The following PLXNB3 variants were observed in gnomAD, a reference collection of about 807,000 sequenced individuals.
The protein encoded by PLXNB3 is plexin-B3.
PLXNB3 carries 80 observed loss-of-function variants against 125.7 expected under a neutral mutation model. That is an observed-to-expected ratio of 0.64 (90% confidence interval 0.53 to 0.77). The LOEUF is 0.77. Ranked by LOEUF, PLXNB3 falls within the 30% of genes least tolerant of loss-of-function variation. The pLI is 0.00. For missense variants in PLXNB3, 1,836 were observed against 1,729.3 expected, an observed-to-expected ratio of 1.06 and a Z score of -1.09; for synonymous variants, 954 against 783.3, an observed-to-expected ratio of 1.22 and a Z score of -3.64.
At chrX:153,769,374 A>C in intron 6 of PLXNB3, 112 bp downstream of exon 6, 1 of 563,310 alleles carries the variant, frequency 1.8e-6, no homozygotes, top group Non-Finnish European at 2.8e-6. Context: ...TGTTGGAGAG[A>C]CTCAGGGCCA....
chrX:153,767,799 C>T lies in PLXNB3; in HGVS notation c.972C>T (p.Ala324=). 1 of 1,166,420 alleles carries T rather than the reference C, an allele frequency of 8.6e-7. No individual in the cohort carries two copies. The highest frequency in any genetic ancestry group is 1.1e-6 in the Non-Finnish European group (1 of 873,097). ...CCTTCCCCATGGTGGAGCTGGGTGCCAGCATGGAGCAGGCCCGGAGACTCT... is the reference window on the plus strand; with the variant it reads ...CCTTCCCCATGGTGGAGCTGGGTGCTAGCATGGAGCAGGCCCGGAGACTCT... ...LCAFPMVELG[A]SMEQARRLCY... is the part of the protein sequence containing the mutation. Residue 324 remains alanine (A), a synonymous_variant, in exon 3 of 36, where the codon GCC becomes GCT. Coordinates refer to ENST00000361971, the MANE Select transcript of PLXNB3 (RefSeq NM_005393.3).
intron 2 of PLXNB3, chrX:153,766,172 T>C: frequency 1.8e-6 from 2 of 1,130,563 alleles, no homozygotes; most frequent in African/African-American, 1.8e-5. Context: ...CCCCGCTGCC[T>C]TGCCCCAGTG....
At position 153,775,047 on chromosome X, in the gene PLXNB3, C is replaced by A. The variant is rs782068600; in HGVS notation, c.4099C>A (p.Arg1367Ser). ...GGAGGACGGCCACTGTGCCACTGTG[C>A]GCCAGGGCCTCACGCAGCTCTCCAA... ...PGEDGHCATV[R>S]QGLTQLSNLL... Residue 1367 changes from arginine to serine, a missense_variant, in exon 24 of 36, where the codon CGC becomes AGC. Arg to Ser is a moderately radical substitution (Grantham distance 110). Coordinates refer to ENST00000361971, the MANE Select transcript of PLXNB3 (RefSeq NM_005393.3). 8.3e-7 allele frequency: 1 copy of A among 1,209,371 alleles called. No homozygotes were observed. Among genetic ancestry groups the A allele is most frequent in the Admixed American group, 2.2e-5 (1 of 45,966 alleles).
intron 2 of PLXNB3, chrX:153,766,637 C>A (rs1557059298): frequency 1.3e-6 from 1 of 749,430 alleles, no homozygotes; most frequent in Non-Finnish European, 1.6e-6. Flanking sequence ...GTGCATGCAC[C>A]CCTCCCTGCC....
chrX:153,770,477 G>T (rs782209291), intron 9 of PLXNB3, 31 bp downstream of exon 9: 13 of 1,196,496 alleles, frequency 1.1e-5, no homozygotes, highest in Non-Finnish European at 1.5e-5. Flanking sequence ...CCTGGGGTAG[G>T]GGTGGCGACC....
chrX:153,774,052 C>T lies in PLXNB3; in HGVS notation c.3473C>T (p.Pro1158Leu), dbSNP rs781962579. 2 of 1,189,750 alleles carry T rather than the reference C, an allele frequency of 1.7e-6. No individual in the cohort carries two copies. Among genetic ancestry groups the T allele is most frequent in the East Asian group, 3.0e-5 (1 of 33,560 alleles). The change falls in exon 20 of 36, where the codon CCT becomes CTT. Residue 1158 changes from proline (P) to leucine (L), a missense_variant. By Grantham distance (98) the Pro-to-Leu change is moderately conservative (BLOSUM62 -3). Coordinates refer to ENST00000361971, the MANE Select transcript of PLXNB3 (RefSeq NM_005393.3). The stretch of plus-strand genomic sequence containing the variant: ...CTGGCACCCCTCAGCCGCGAGGGGC[C>T]TGCCCGCCCCTACCGCCTCAAGCCA... ...PRLAPLSREG[P>L]ARPYRLKPGH... is the part of the protein sequence containing the mutation.
At position 153,773,300 on chromosome X, in the gene PLXNB3, G is replaced by T; in HGVS notation, c.2977G>T (p.Val993Phe). ...CCAGGCTGCCCCAGGAGAAGCAGCG[G>T]TCCTTGTGGTCTTTGGCCATGCCCA... ...RPQAAPGEAA[V>F]LVVFGHAQRT... Residue 993 changes from valine to phenylalanine, a missense_variant, in exon 18 of 36, where the codon GTC becomes TTC. Coordinates refer to ENST00000361971, the MANE Select transcript of PLXNB3 (RefSeq NM_005393.3). 1 of 1,209,983 alleles carries T rather than the reference G, an allele frequency of 8.3e-7. No homozygotes were observed. The highest frequency in any genetic ancestry group is 1.1e-6 in the Non-Finnish European group (1 of 894,860).
In PLXNB3 at chrX:153,767,742, G is replaced by A. The variant is rs370753067; in HGVS notation, c.915G>A (p.Ala305=). The part of the protein sequence containing the change: ...APGTLLGVFA[A]GPRGTQAALC... The stretch of plus-strand genomic sequence containing the variant: ...GCACCTTGCTAGGGGTGTTTGCCGC[G>A]GGCCCAAGGGGCACCCAGGCGGCGC... Residue 305 remains alanine, a synonymous_variant, in exon 3 of 36, where the codon GCG becomes GCA. Transcript: ENST00000361971. 55 of 1,170,246 alleles carry A rather than the reference G, an allele frequency of 4.7e-5. No homozygotes were observed. In the African/African-American group the frequency reaches 8.1e-4, roughly 17 times the overall value.
In PLXNB3 at chrX:153,767,853, C is replaced by T. The variant is rs782305118; in HGVS notation, c.1026C>T (p.Ser342=). The T allele has an allele frequency of 1.3e-5, 15 of 1,135,291 alleles. No individual in the cohort carries two copies. Among genetic ancestry groups the T allele is most frequent in the Middle Eastern group, 2.4e-4 (1 of 4,121 alleles). The allele number at this position is 1,135,291 out of a possible 1,213,427, so 93.6% of individuals were successfully genotyped here. A position where few individuals can be genotyped will look rare whatever the true frequency, so the allele number is the denominator to read the frequency against. Residue 342 remains serine (S), a synonymous_variant, in exon 3 of 36, where the codon AGC becomes AGT. Coordinates refer to ENST00000361971, the MANE Select transcript of PLXNB3 (RefSeq NM_005393.3). ...LCYTAGGRGP[S]GAEEATVEYG... is the part of the protein sequence containing the mutation. The stretch of plus-strand genomic sequence containing the variant: ...ACACGGCGGGCGGCCGGGGCCCCAG[C>T]GGCGCAGAGGAAGCCACCGTGGAGT...
intron 1 of PLXNB3, among the ~76,000 whole-genome samples, chrX:153,764,650 A>G (rs1340487752): frequency 8.9e-6 from 1 of 112,788 alleles, no homozygotes; most frequent in Non-Finnish European, 1.9e-5. Flanking sequence ...CTTGCCCTGG[A>G]GCCTACTGCT....
Position 153,770,877 on chromosome X carries a change from T to C in PLXNB3, c.2130T>C (p.His710=), listed in dbSNP as rs2091920773. The change falls in exon 11 of 36, where the codon CAT becomes CAC. Residue 710 remains histidine (H), a synonymous_variant. Transcript: ENST00000361971. ...HLALRVRNLQ[H]FRGLPASFHC... ...CCCTACGCGTGCGGAACCTTCAACA[T>C]TTCCGAGTGAGCCATCAGGAGGGAA... 2 of 1,205,503 alleles carry C rather than the reference T, an allele frequency of 1.7e-6. No individual in the cohort carries two copies. Among genetic ancestry groups the C allele is most frequent in the African/African-American group, 3.5e-5 (2 of 57,852 alleles).
At position 153,770,251 on chromosome X, in the gene PLXNB3, G is replaced by A. The variant is rs781994831; in HGVS notation, c.1786+3G>A. ...GCCACTTAACCCTCCAGGCACAGGTGAGTGGCCCATGGGGTAGGGGGCTGG... is the reference window on the plus strand; with the variant it reads ...GCCACTTAACCCTCCAGGCACAGGTAAGTGGCCCATGGGGTAGGGGGCTGG... On this transcript the variant is annotated splice_donor_region_variant and intron_variant, in intron 8 of 35. Transcript: ENST00000361971. 1 of 1,210,482 alleles carries A rather than the reference G, an allele frequency of 8.3e-7. No individual in the cohort carries two copies. Among genetic ancestry groups the A allele is most frequent in the Non-Finnish European group, 1.1e-6 (1 of 895,129 alleles).
At chrX:153,765,307 T>A (rs1015709738) in intron 1 of PLXNB3, among the ~76,000 whole-genome samples, 164 bp from the exon 2 acceptor site, 1 of 112,439 alleles carries the variant, frequency 8.9e-6, no homozygotes, top group Non-Finnish European at 1.9e-5. Flanking sequence ...GAGGGAACAT[T>A]GTTGTGGTGG....
intron 16 of PLXNB3, 174 bp from the exon 17 acceptor site, chrX:153,772,712 G>T (rs2091945681): frequency 9.8e-7 from 1 of 1,023,296 alleles, no homozygotes; most frequent in Non-Finnish European, 1.2e-6. Flanking sequence ...TGGGTGGGAG[G>T]AAGCTGGCCA....
In PLXNB3 at chrX:153,769,055, C is replaced by T. The variant is rs782515642; in HGVS notation, c.1374C>T (p.Leu458=). ...DLLLDSSGSH[L]YVLTAHQVDR... ...TGCTGGACAGCAGTGGCAGTCACCTCTATGTCCTGACTGCCCACCAGGTGA... is the reference window on the plus strand; with the variant it reads ...TGCTGGACAGCAGTGGCAGTCACCTTTATGTCCTGACTGCCCACCAGGTGA... Residue 458 remains leucine, a synonymous_variant, in exon 5 of 36, where the codon CTC becomes CTT. Coordinates refer to ENST00000361971, the MANE Select transcript of PLXNB3 (RefSeq NM_005393.3). 3.3e-6 allele frequency: 4 copies of T among 1,210,818 alleles called. No homozygotes were observed. The Admixed American group carries it at 6.5e-5, about 20-fold the overall frequency.
chrX:153,770,667 G>A (rs782645192), intron 10 of PLXNB3, 25 bp downstream of exon 10: 4 of 1,207,953 alleles, frequency 3.3e-6, no homozygotes, highest in Non-Finnish European at 4.5e-6. Context: ...ACTTCGGGCA[G>A]AGACAGGGCT....
intron 15 of PLXNB3, 59 bp from the exon 16 acceptor site, chrX:153,772,123 G>GGGTGGAGAAGGTGCGCTCAGTAGCAGCT (rs370958466): frequency 7.9e-6 from 9 of 1,136,565 alleles, no homozygotes; most frequent in African/African-American, 7.2e-5. Flanking sequence ...GTCAGGGGAG[G>GGGTGGAGAAGGTGCGCTCAGTAGCAGCT]GGTGGGCTGT....
In PLXNB3 at chrX:153,774,167, G is replaced by T; in HGVS notation, c.3520-19G>T. 6.6e-6 allele frequency: 8 copies of T among 1,203,727 alleles called. No individual in the cohort carries two copies. Among genetic ancestry groups the T allele is most frequent in the Non-Finnish European group, 8.9e-6 (8 of 894,230 alleles). On this transcript the variant is annotated intron_variant, in intron 20 of 35. Coordinates refer to ENST00000361971, the MANE Select transcript of PLXNB3 (RefSeq NM_005393.3). ...GCCTCTGTGGGGGCCAGCGGCTTAG[G>T]CTCCCATGTGTGTCCCAGGGCGAGG...
chrX:153,769,728 G>A (rs782247176), intron 6 of PLXNB3, 79 bp from the exon 7 acceptor site: 737 of 1,046,195 alleles, frequency 7.0e-4, no homozygotes, highest in Non-Finnish European at 8.9e-4. Flanking sequence ...CAGCTGGGCC[G>A]GCCTCCCCAG....
Sources: allele counts gnomAD v4.1 joint callset (sites outside exome capture counted in the v4.1 genomes callset), GRCh38; gene constraint gnomAD v4.1.1; transcripts MANE v1.5; gene names NCBI Gene and HGNC (gene_info 2026-07-23, HGNC 2026-07-21).